The following FRMD4A variants were observed in gnomAD, a reference collection of about 807,000 sequenced individuals.
FRMD4A encodes the protein FERM domain containing 4A.
Under a neutral mutation model 129.1 loss-of-function variants are expected in FRMD4A, and 29 were observed. The ratio of observed to expected loss-of-function variants is 0.22; its 90% confidence interval spans 0.17 to 0.31. FRMD4A has a LOEUF of 0.31. FRMD4A is among the 10% of genes least tolerant of loss of function. FRMD4A has a pLI of 1.00. For missense variants in FRMD4A, 1,272 were observed against 1,375.8 expected, an observed-to-expected ratio of 0.92 and a Z score of 1.19; for synonymous variants, 634 against 571.6, an observed-to-expected ratio of 1.11 and a Z score of -1.56.
At chr10:13,737,602 G>C (rs1027690389) in intron 12 of FRMD4A, among the ~76,000 whole-genome samples, 11 of 152,004 alleles carry the variant, frequency 7.2e-5, no homozygotes, top group African/African-American at 2.7e-4. Flanking sequence ...AACTGAGCCA[G>C]TCATCTCACC....
chr10:13,972,039 A>T (rs45462191), intron 2 of FRMD4A: 1 of 1,158,170 alleles, frequency 8.6e-7, no homozygotes, highest in Admixed American at 3.7e-5. Context: ...CTCCCTCCCA[A>T]AGTGTTTTCT....
intron 2 of FRMD4A, among the ~76,000 whole-genome samples, chr10:13,961,662 A>G (rs71479856): frequency 3.5e-4 from 54 of 152,184 alleles, no homozygotes; most frequent in Non-Finnish European, 5.6e-4. Context: ...CTCCTCAAGT[A>G]GCTTTCTTCA....
chr10:13,887,402 C>G (rs1034849426), intron 2 of FRMD4A, among the ~76,000 whole-genome samples: 2 of 152,114 alleles, frequency 1.3e-5, no homozygotes, highest in Non-Finnish European at 2.9e-5. Flanking sequence ...GAACTGAGGC[C>G]GGGGGCGGTG....
At chr10:13,671,080 G>C (rs1391281402) in intron 16 of FRMD4A, among the ~76,000 whole-genome samples, 1 of 152,218 alleles carries the variant, frequency 6.6e-6, no homozygotes, top group Non-Finnish European at 1.5e-5. Flanking sequence ...TAGAAACTGA[G>C]TAAGGATAGT....
At chr10:14,175,822 G>A (rs985933268) in intron 2 of FRMD4A, among the ~76,000 whole-genome samples, 9 of 152,158 alleles carry the variant, frequency 5.9e-5, no homozygotes, top group African/African-American at 2.2e-4. Flanking sequence ...GCTGCTCAGG[G>A]TCCAATTTTC....
intron 2 of FRMD4A, among the ~76,000 whole-genome samples, chr10:14,134,050 A>G (rs1839403876): frequency 6.6e-6 from 1 of 152,242 alleles, no homozygotes; most frequent in African/African-American, 2.4e-5. Flanking sequence ...TTTAACTGCT[A>G]GAAAATATAG....
At chr10:14,206,313 A>G (rs1842779817) in intron 2 of FRMD4A, among the ~76,000 whole-genome samples, 1 of 152,182 alleles carries the variant, frequency 6.6e-6, no homozygotes. Flanking sequence ...AAAACTAATT[A>G]AAAGAAGAAT....
At chr10:14,104,910 C>G (rs1049414853) in intron 2 of FRMD4A, among the ~76,000 whole-genome samples, 2 of 152,154 alleles carry the variant, frequency 1.3e-5, no homozygotes, top group African/African-American at 4.8e-5. Flanking sequence ...GAGAAGTGTG[C>G]CCTTAGATAC....
intron 2 of FRMD4A, among the ~76,000 whole-genome samples, chr10:13,946,499 T>C (rs1228054068): frequency 3.3e-5 from 5 of 152,218 alleles, no homozygotes; most frequent in Admixed American, 2.6e-4. Flanking sequence ...CATGTGTCTT[T>C]TAGACACTGA....
intron 2 of FRMD4A, among the ~76,000 whole-genome samples, chr10:14,027,893 G>A (rs926863195): frequency 6.6e-6 from 1 of 152,346 alleles, no homozygotes; most frequent in African/African-American, 2.4e-5. Flanking sequence ...ATGTCACCCC[G>A]AAGAGACATT....
chr10:13,861,036 C>A (rs565120708), intron 2 of FRMD4A, among the ~76,000 whole-genome samples: 1 of 152,176 alleles, frequency 6.6e-6, no homozygotes, highest in African/African-American at 2.4e-5. Context: ...TGAGAATGAG[C>A]GTCTCTGCAA....
chr10:14,128,048 CTT>C (rs1839008822), intron 2 of FRMD4A, among the ~76,000 whole-genome samples: 1 of 16,748 alleles, frequency 6.0e-5, no homozygotes, highest in Admixed American at 5.3e-4. Context: ...TTCTTTCCCT[CTT>C]TCTTTCTTTC....
chr10:14,247,207 C>T (rs908519435), intron 2 of FRMD4A, among the ~76,000 whole-genome samples: 2 of 152,056 alleles, frequency 1.3e-5, no homozygotes, highest in Admixed American at 1.3e-4. Context: ...ACTGTGATGG[C>T]CATGCCCAGA....
chr10:13,672,527 G>GT (rs1227524007), intron 16 of FRMD4A, among the ~76,000 whole-genome samples: 1 of 152,032 alleles, frequency 6.6e-6, no homozygotes, highest in African/African-American at 2.4e-5. Flanking sequence ...TTAAAATGTA[G>GT]TTTAAAAAAT....
At chr10:14,096,696 G>C (rs1000906474) in intron 2 of FRMD4A, among the ~76,000 whole-genome samples, 1 of 152,204 alleles carries the variant, frequency 6.6e-6, no homozygotes, top group Non-Finnish European at 1.5e-5. Flanking sequence ...GGGCAGATCT[G>C]AACTCTGCTC....
intron 2 of FRMD4A, chr10:14,074,925 A>G (rs1413487939): frequency 6.6e-6 from 1 of 152,224 alleles, no homozygotes; most frequent in Non-Finnish European, 1.5e-5. Context: ...TCTAGATACT[A>G]CCAGAGCTTG....
intron 2 of FRMD4A, among the ~76,000 whole-genome samples, chr10:13,961,911 G>C (rs1197565539): frequency 1.3e-5 from 2 of 151,944 alleles, no homozygotes; most frequent in Non-Finnish European, 2.9e-5. Context: ...TTATTTGTTA[G>C]ATGAATGAAC....
intron 2 of FRMD4A, among the ~76,000 whole-genome samples, chr10:14,148,298 G>C (rs913786890): frequency 2.6e-5 from 4 of 152,188 alleles, no homozygotes; most frequent in Non-Finnish European, 5.9e-5. Flanking sequence ...TGTCGTGACT[G>C]TTTTAATCTT....
At chr10:13,847,784 C>T (rs757956290) in intron 3 of FRMD4A, among the ~76,000 whole-genome samples, 2 of 152,256 alleles carry the variant, frequency 1.3e-5, no homozygotes, top group Non-Finnish European at 2.9e-5. Context: ...TAATCATTGA[C>T]CACCTCTAGA....
Sources: gnomAD v4.1 joint callset for allele counts (sites outside exome capture counted in the v4.1 genomes callset) on GRCh38, gnomAD v4.1.1 for gene constraint, MANE v1.5 for transcripts, NCBI Gene and HGNC (gene_info 2026-07-23, HGNC 2026-07-21) for gene names.